The following ALPK1 variants were observed in gnomAD, a reference collection of about 807,000 sequenced individuals.
The protein encoded by ALPK1 is alpha-protein kinase 1.
A neutral mutation model predicts 120.6 loss-of-function variants in ALPK1; 110 were observed. The ratio of observed to expected loss-of-function variants is 0.91; its 90% CI spans 0.78 to 1.07. The LOEUF is 1.07. Ranked by LOEUF, ALPK1 falls within the 50% of genes least tolerant of loss-of-function variation. The probability of loss-of-function intolerance (pLI) is 0.00; values close to 1 mark genes in which losing one functional copy is unlikely to be tolerated. For synonymous variants in ALPK1, 582 were observed against 560.3 expected, an observed-to-expected ratio of 1.04 and a Z score of -0.55; for missense variants, 1,498 against 1,483.9, an observed-to-expected ratio of 1.01 and a Z score of -0.16.
chr4:112,353,206 G>A (rs993292774), intron 2 of ALPK1, among the ~76,000 whole-genome samples: 48 of 152,036 alleles, frequency 3.2e-4, no homozygotes, highest in African/African-American at 1.1e-3. Flanking sequence ...GAACTCCTGG[G>A]CTCAAGTGAT....
At chr4:112,384,418 T>C (rs1006460586) in intron 4 of ALPK1, 1 of 152,250 alleles carries the variant, frequency 6.6e-6, no homozygotes, top group Non-Finnish European at 1.5e-5. Flanking sequence ...ATGTGGTGAA[T>C]GGGACCGAAG....
chr4:112,371,077 T>C (rs1349552787), intron 2 of ALPK1, among the ~76,000 whole-genome samples: 4 of 152,216 alleles, frequency 2.6e-5, no homozygotes, highest in Non-Finnish European at 5.9e-5. Context: ...AACATTCATA[T>C]CTATCCAATA....
At chr4:112,340,729 A>C (rs1216863873) in intron 2 of ALPK1, among the ~76,000 whole-genome samples, 1 of 152,256 alleles carries the variant, frequency 6.6e-6, no homozygotes, top group African/African-American at 2.4e-5. Context: ...GAAATGCTAC[A>C]TCTTCATAAT....
At chr4:112,419,626 C>T (rs1733900603) in intron 5 of ALPK1, among the ~76,000 whole-genome samples, 1 of 152,142 alleles carries the variant, frequency 6.6e-6, no homozygotes, top group Non-Finnish European at 1.5e-5. Flanking sequence ...ACTCTAAAAA[C>T]TGCAGATATT....
intron 15 of ALPK1, 26 bp from the exon 16 acceptor site, chr4:112,441,177 G>A (rs766919395): frequency 1.2e-5 from 19 of 1,611,934 alleles, no homozygotes; most frequent in East Asian, 6.7e-5. Flanking sequence ...GGTGATGCTC[G>A]CAAATATCTG....
intron 4 of ALPK1, among the ~76,000 whole-genome samples, chr4:112,388,263 A>C (rs1732240482): frequency 6.6e-6 from 1 of 152,236 alleles, no homozygotes; most frequent in African/African-American, 2.4e-5. Context: ...AATAAATATA[A>C]GAGTTGGTTA....
chr4:112,431,585 C>G lies in ALPK1; in HGVS notation c.2038C>G (p.Pro680Ala), dbSNP rs1734556029. ...PLTPFSPHNT[P>A]GIFLAPGAGL... ...GACACCCTTCTCGCCTCATAATACC[C>G]CAGGCATTTTCTTGGCCCCTGGTGC... Residue 680 changes from proline to alanine, a missense_variant, in exon 11 of 16, where the codon CCA becomes GCA. Physicochemically the swap from Pro to Ala is conservative, Grantham distance 27 (BLOSUM62 -1). Transcript: ENST00000650871. 1 of 1,614,166 alleles carries G rather than the reference C, an allele frequency of 6.2e-7. No individual in the cohort carries two copies. The highest frequency in any genetic ancestry group is 8.5e-7 in the Non-Finnish European group (1 of 1,180,038).
At chr4:112,326,349 G>A (rs577566225) in intron 2 of ALPK1, among the ~76,000 whole-genome samples, 3 of 152,228 alleles carry the variant, frequency 2.0e-5, no homozygotes, top group East Asian at 3.9e-4. Flanking sequence ...TGCTTGAGTC[G>A]AGGGGTCATG....
chr4:112,372,158 T>C (rs7694057), intron 2 of ALPK1, among the ~76,000 whole-genome samples: 126,048 of 152,138 alleles, frequency 0.83, 52,216 homozygotes, highest in Middle Eastern at 0.87. Context: ...TTACAGTAAC[T>C]GAGTAATTAA....
At chr4:112,342,576 G>C (rs1729907526) in intron 2 of ALPK1, among the ~76,000 whole-genome samples, 1 of 152,064 alleles carries the variant, frequency 6.6e-6, no homozygotes, top group Non-Finnish European at 1.5e-5. Context: ...AATGACAATT[G>C]CTTCTTTTGA....
chr4:112,373,988 G>A (rs566066465), intron 2 of ALPK1, among the ~76,000 whole-genome samples: 30 of 152,294 alleles, frequency 2.0e-4, no homozygotes, highest in South Asian at 4.1e-4. Context: ...CAGAGTGATC[G>A]TTGCTGAAGG....
intron 2 of ALPK1, chr4:112,358,619 T>G: frequency 2.8e-6 from 2 of 722,174 alleles, no homozygotes; most frequent in East Asian, 2.7e-5. Flanking sequence ...CAGCGAACAG[T>G]GGGCTGGGGG....
Position 112,357,905 on chromosome 4 carries a change from G to C in ALPK1, c.-100-19773G>C, listed in dbSNP as rs183817893. The C allele has an allele frequency of 4.1e-4, 460 of 1,133,792 alleles. 1 individual carries two copies. The highest frequency in any genetic ancestry group is 5.5e-4 in the Non-Finnish European group (418 of 754,960). The allele number at this position is 1,133,792 out of a possible 1,614,324, so 70.2% of individuals were successfully genotyped here. On this transcript the variant is annotated intron_variant, in intron 2 of 15. Transcript: ENST00000650871. ...CTGTTTGTGGAGCCCAGGAGCAAAG[G>C]CAGCTTCTCTGAGACCATGGGTGCT...
intron 1 of ALPK1, among the ~76,000 whole-genome samples, chr4:112,301,401 A>C (rs1441185213): frequency 6.6e-6 from 1 of 152,192 alleles, no homozygotes; most frequent in African/African-American, 2.4e-5. Context: ...AGGCTTCTGA[A>C]GGCGCAGCTT....
chr4:112,438,634 C>G lies in ALPK1; in HGVS notation c.3339C>G (p.Ser1113=). 1 of 1,613,466 alleles carries G rather than the reference C, an allele frequency of 6.2e-7. No homozygotes were observed. Among genetic ancestry groups the G allele is most frequent in the Non-Finnish European group, 8.5e-7 (1 of 1,179,560 alleles). ...NIPTQIFYIP[S]TILLILEDKT... is the part of the protein sequence containing the mutation. ...CCACCCAGATATTCTACATCCCATC[C>G]ACAATACTACTGGTAAGATTATCCT... Residue 1113 remains serine (S), a synonymous_variant, in exon 13 of 16, where the codon TCC becomes TCG. Coordinates refer to ENST00000650871, the MANE Select transcript of ALPK1 (RefSeq NM_025144.4).
chr4:112,440,778 C>A, intron 14 of ALPK1, 139 bp from the exon 15 acceptor site: 1 of 1,379,412 alleles, frequency 7.2e-7, no homozygotes, highest in South Asian at 1.8e-5. Flanking sequence ...AACTATAAAC[C>A]ACAGGATGGC....
intron 2 of ALPK1, among the ~76,000 whole-genome samples, chr4:112,334,398 A>G (rs1424921898): frequency 6.7e-6 from 1 of 149,370 alleles, no homozygotes; most frequent in East Asian, 2.0e-4. Flanking sequence ...TCACCACTGC[A>G]CTCCAGCCTG....
chr4:112,430,506 T>A lies in ALPK1; in HGVS notation c.959T>A (p.Leu320Ter). Residue 320 changes from leucine (L) to a stop codon, truncating the protein, a stop_gained, in exon 11 of 16, where the codon TTG becomes TAG. Transcript: ENST00000650871. LOFTEE classifies it high-confidence loss of function. Reference sequence around the variant, plus strand: ...AGTTCAAATGACTGTCCTCCAGAATTGAAAAACTTACATCTGTGTGAAGCC... The same window carrying A: ...AGTTCAAATGACTGTCCTCCAGAATAGAAAAACTTACATCTGTGTGAAGCC... ...YSSSNDCPPE[L>*]KNLHLCEAKE... 1 of 1,613,754 alleles carries A rather than the reference T, an allele frequency of 6.2e-7. No individual in the cohort carries two copies. The highest frequency in any genetic ancestry group is 8.5e-7 in the Non-Finnish European group (1 of 1,179,830).
chr4:112,426,392 G>A (rs967274241), intron 7 of ALPK1, 75 bp from the exon 8 acceptor site: 2 of 1,162,228 alleles, frequency 1.7e-6, no homozygotes, highest in Non-Finnish European at 1.3e-6. Flanking sequence ...GTTTTCAAAG[G>A]TTTTCTCTAT....
Sources: allele counts gnomAD v4.1 joint callset (sites outside exome capture counted in the v4.1 genomes callset), GRCh38; gene constraint gnomAD v4.1.1; transcripts MANE v1.5; gene names NCBI Gene and HGNC (gene_info 2026-07-23, HGNC 2026-07-21).